The following CUX1 variants were observed in gnomAD, a reference collection of about 807,000 sequenced individuals.
The protein encoded by CUX1 is cut like homeobox 1.
A neutral mutation model predicts 158.8 loss-of-function variants in CUX1; 31 were observed. The ratio of observed to expected loss-of-function variants is 0.20; its 90% confidence interval spans 0.15 to 0.26. The LOEUF (loss-of-function observed/expected upper bound fraction) is 0.26, where lower values mean the gene tolerates loss of function less well. Among genes scored for constraint, CUX1 ranks in the 10% least tolerant of loss-of-function variants. The pLI is 1.00. For missense variants in CUX1, 1,589 were observed against 2,014.6 expected (o/e 0.79, Z 4.04); for synonymous variants, 879 against 862.1 (o/e 1.02, Z -0.34).
intron 22 of CUX1, among the ~76,000 whole-genome samples, chr7:102,237,195 G>A (rs1017958216): frequency 6.6e-6 from 1 of 152,182 alleles, no homozygotes; most frequent in Non-Finnish European, 1.5e-5. Context: ...ATGACAAAAT[G>A]GCAAGTTAAT....
intron 3 of CUX1, among the ~76,000 whole-genome samples, chr7:102,044,311 T>A (rs1822481875): frequency 1.3e-5 from 2 of 152,120 alleles, no homozygotes; most frequent in South Asian, 4.2e-4. Flanking sequence ...TGCCTCAGCC[T>A]CCCAAGTAGC....
Position 101,916,610 on chromosome 7 carries a change from CG to C in CUX1, c.141+389del, listed in dbSNP as rs1804238957. Reference sequence around the variant, plus strand: ...GGGATCCTGTGGGGTGGAAGGTCCGCGGGGCCTGCTTCCCTGTTGCTGGTGC... The same window carrying C: ...GGGATCCTGTGGGGTGGAAGGTCCGCGGGCCTGCTTCCCTGTTGCTGGTGC... On this transcript the variant is annotated intron_variant, in intron 2 of 23. Coordinates refer to ENST00000292535, the MANE Select transcript of CUX1 (RefSeq NM_181552.4). The surrounding 1 kb of genome is among the most constrained non-coding windows in gnomAD (Gnocchi z 4.4). 2.4e-5 allele frequency: 5 copies of C among 208,348 alleles called. No homozygotes were observed. In the South Asian group the frequency reaches 3.8e-4, roughly 16 times the overall value. 12.9% of individuals were successfully genotyped at this position (208,348 alleles called of 1,614,324 possible). A position where few individuals can be genotyped will look rare whatever the true frequency, so the allele number is the denominator to read the frequency against.
intron 2 of CUX1, among the ~76,000 whole-genome samples, chr7:101,986,710 G>A (rs972146272): frequency 4.6e-5 from 7 of 152,224 alleles, no homozygotes; most frequent in Non-Finnish European, 1.0e-4. Flanking sequence ...TGGTGGTTTG[G>A]AGACGAGAGG....
intron 1 of CUX1, among the ~76,000 whole-genome samples, chr7:101,915,462 T>C (rs998767196): frequency 1.3e-5 from 2 of 152,224 alleles, no homozygotes; most frequent in African/African-American, 4.8e-5. Context: ...TGGTGCCTCA[T>C]TTCTGAAAAG....
At chr7:102,189,398 A>ATTTT (rs1563376311) in intron 11 of CUX1, among the ~76,000 whole-genome samples, 6 of 103,078 alleles carry the variant, frequency 5.8e-5, no homozygotes, top group African/African-American at 2.5e-4. Flanking sequence ...TTTTTTTTAA[A>ATTTT]AAAAAAAGAG....
intron 7 of CUX1, among the ~76,000 whole-genome samples, chr7:102,112,623 G>A (rs201496): frequency 0.2 from 30,193 of 151,296 alleles, 3,179 homozygotes; most frequent in Middle Eastern, 0.3. Context: ...AGGCTGGGGT[G>A]CAGTGGTGTG....
At chr7:102,260,706 G>A (rs1356327697), downstream of CUX1, among the ~76,000 whole-genome samples, 2 of 151,312 alleles carry the variant, frequency 1.3e-5, no homozygotes, top group Non-Finnish European at 2.9e-5. Flanking sequence ...TTACAGGCGT[G>A]AGCCACCATA....
chr7:102,279,922 C>A, intron 18 of CUX1: 1 of 710,132 alleles, frequency 1.4e-6, no homozygotes, highest in Non-Finnish European at 2.5e-6. Context: ...ATCTAGGGCT[C>A]CCTCCCCCAC....
intron 21 of CUX1, among the ~76,000 whole-genome samples, chr7:102,227,941 T>C (rs1798515802): frequency 8.9e-6 from 1 of 112,104 alleles, no homozygotes; most frequent in African/African-American, 3.3e-5. Context: ...ACAGACTGTC[T>C]CTTTTTTTTC....
upstream of CUX1, chr7:101,816,016 T>C: frequency 7.1e-7 from 1 of 1,415,932 alleles, no homozygotes. Context: ...TCACTCCGTC[T>C]CAATATGTCT....
chr7:102,118,868 C>T (rs955197798), intron 8 of CUX1, among the ~76,000 whole-genome samples: 1 of 152,240 alleles, frequency 6.6e-6, no homozygotes, highest in African/African-American at 2.4e-5. Flanking sequence ...TCTCCTGCCT[C>T]AGCCTACCAA....
intron 15 of CUX1, among the ~76,000 whole-genome samples, chr7:102,198,470 G>A (rs1458850975): frequency 5.3e-5 from 8 of 152,240 alleles, no homozygotes; most frequent in African/African-American, 1.9e-4. Context: ...GAAATTGAAT[G>A]TCTTTGGATG....
At chr7:102,049,249 A>C (rs1224137088) in intron 3 of CUX1, among the ~76,000 whole-genome samples, 1 of 152,236 alleles carries the variant, frequency 6.6e-6, no homozygotes, top group African/African-American at 2.4e-5. Flanking sequence ...CTTTGGGCAG[A>C]TGAAGGAGGC....
chr7:102,224,421 G>A (rs2034664236), intron 20 of CUX1, among the ~76,000 whole-genome samples: 1 of 152,116 alleles, frequency 6.6e-6, no homozygotes, highest in South Asian at 2.1e-4. Context: ...TGGCCAGGCT[G>A]GTCTCAAACT....
intron 23 of CUX1, among the ~76,000 whole-genome samples, chr7:102,244,658 C>T (rs1174497505): frequency 6.6e-6 from 1 of 152,116 alleles, no homozygotes; most frequent in Non-Finnish European, 1.5e-5. Context: ...CCATTGCACT[C>T]CAGCCTGGGG....
At chr7:102,277,322 G>T (rs947499849) in intron 17 of CUX1, among the ~76,000 whole-genome samples, 1 of 151,878 alleles carries the variant, frequency 6.6e-6, no homozygotes, top group South Asian at 2.1e-4. Flanking sequence ...GGGGCCAGGC[G>T]CAGCAGCTCA....
Position 102,005,760 on chromosome 7 carries a change from A to T in CUX1, c.142-22338A>T, listed in dbSNP as rs530134561. On this transcript the variant is annotated intron_variant, in intron 2 of 23. Coordinates refer to ENST00000292535, the MANE Select transcript of CUX1 (RefSeq NM_181552.4). ...TGGGGCTCTCAGGGACACAGTCAGCAGCTCAGCCTCTGGAAAGACCTGGAA... is the reference window on the plus strand; with the variant it reads ...TGGGGCTCTCAGGGACACAGTCAGCTGCTCAGCCTCTGGAAAGACCTGGAA... Among the ~76,000 whole-genome samples the T allele has an allele frequency of 9.9e-5, 15 of 152,266 alleles. No homozygotes were observed. The South Asian group carries it at 2.9e-3, about 29-fold the overall frequency.
rs782164489 is a variant in CUX1, at chr7:102,198,797, A to G, written c.1895-5A>G. 1.4e-5 allele frequency: 23 copies of G among 1,613,840 alleles called. No individual in the cohort carries two copies. The highest frequency in any genetic ancestry group is 1.9e-5 in the Non-Finnish European group (23 of 1,179,808). ...TTTGTTCTTACCACACTTGTTTTTCAACAGAGAATCCAGGCCAGAGCCTGA... is the reference window on the plus strand; with the variant it reads ...TTTGTTCTTACCACACTTGTTTTTCGACAGAGAATCCAGGCCAGAGCCTGA... On this transcript the variant is annotated splice_polypyrimidine_tract_variant and splice_region_variant and intron_variant, in intron 15 of 23. Coordinates refer to ENST00000292535, the MANE Select transcript of CUX1 (RefSeq NM_181552.4).
chr7:102,055,827 T>C (rs1824063019), intron 3 of CUX1, among the ~76,000 whole-genome samples: 1 of 152,186 alleles, frequency 6.6e-6, no homozygotes, highest in Admixed American at 6.5e-5. Flanking sequence ...CTTGCACCAG[T>C]TAGCCCAGTC....
Sources: gnomAD v4.1 joint callset for allele counts (sites outside exome capture counted in the v4.1 genomes callset) on GRCh38, gnomAD v4.1.1 for gene constraint, Gnocchi (gnomAD v3.1) non-coding constraint, MANE v1.5 for transcripts, NCBI Gene and HGNC (gene_info 2026-07-23, HGNC 2026-07-21) for gene names.